DLG2: variants seen among roughly 807,000 people sequenced by gnomAD.
DLG2 encodes the protein disks large homolog 2.
A neutral mutation model predicts 132.5 loss-of-function variants in DLG2; 45 were observed. The ratio of observed to expected loss-of-function variants is 0.34; its 90% CI spans 0.27 to 0.44. The LOEUF (loss-of-function observed/expected upper bound fraction) is 0.44, where lower values mean the gene tolerates loss of function less well. DLG2 is among the 20% of genes least tolerant of loss of function. The pLI is 1.00. For missense variants in DLG2, 1,045 were observed against 1,196.9 expected (o/e 0.87, Z 1.87); for synonymous variants, 424 against 419.6 (o/e 1.01, Z -0.13).
intron 19 of DLG2, among the ~76,000 whole-genome samples, chr11:83,546,461 T>A (rs1465669): frequency 0.27 from 41,179 of 151,806 alleles, 6,197 homozygotes; most frequent in East Asian, 0.37. Flanking sequence ...GTAATGGCAC[T>A]AACGCAAAAG....
At chr11:83,711,589 C>T (rs1488186852) in intron 18 of DLG2, among the ~76,000 whole-genome samples, 1 of 152,096 alleles carries the variant, frequency 6.6e-6, no homozygotes, top group Non-Finnish European at 1.5e-5. Flanking sequence ...TATGTGTGAC[C>T]AAGGTAACTA....
At chr11:84,042,474 T>C (rs2096114936) in intron 11 of DLG2, among the ~76,000 whole-genome samples, 1 of 151,906 alleles carries the variant, frequency 6.6e-6, no homozygotes, top group South Asian at 2.1e-4. Flanking sequence ...TATTTAAAAT[T>C]TTTAGTATAA....
At chr11:84,530,727 T>A (rs890556418) in intron 7 of DLG2, among the ~76,000 whole-genome samples, 1 of 152,184 alleles carries the variant, frequency 6.6e-6, no homozygotes, top group Non-Finnish European at 1.5e-5. Context: ...ATTTCTCAAA[T>A]AACTTAAAAC....
intron 6 of DLG2, among the ~76,000 whole-genome samples, chr11:84,956,479 C>T (rs1366208369): frequency 6.6e-6 from 1 of 152,132 alleles, no homozygotes; most frequent in Admixed American, 6.6e-5. Flanking sequence ...CATATGAATA[C>T]CCATTATCAT....
intron 3 of DLG2, among the ~76,000 whole-genome samples, chr11:85,567,759 T>A (rs1031689605): frequency 1.2e-4 from 19 of 152,020 alleles, no homozygotes; most frequent in Non-Finnish European, 2.1e-4. Flanking sequence ...TAACTGTGGG[T>A]TTTTTGCAGA....
At chr11:85,038,387 T>A (rs982755775) in intron 6 of DLG2, among the ~76,000 whole-genome samples, 4 of 152,084 alleles carry the variant, frequency 2.6e-5, no homozygotes, top group African/African-American at 9.7e-5. Context: ...TGCTGACAAT[T>A]CATCTCTGAA....
chr11:84,938,422 A>G (rs900183851), intron 6 of DLG2, among the ~76,000 whole-genome samples: 17 of 152,220 alleles, frequency 1.1e-4, no homozygotes, highest in Non-Finnish European at 1.3e-4. Flanking sequence ...AATTTTAAAC[A>G]TAGCTTACTT....
chr11:83,806,991 G>C (rs1488045257), intron 17 of DLG2, among the ~76,000 whole-genome samples: 1 of 152,166 alleles, frequency 6.6e-6, no homozygotes, highest in Non-Finnish European at 1.5e-5. Context: ...GTGGACTTTT[G>C]TGGGAAGTAT....
In DLG2 at chr11:84,791,325, C is replaced by T. The variant is rs576791033; in HGVS notation, c.358-256594G>A. 5.3e-5 allele frequency among the ~76,000 whole-genome samples: 8 copies of T among 152,246 alleles called. No homozygotes were observed. The South Asian group carries it at 6.2e-4, about 12-fold the overall frequency. ...TATGCATCTGCTTTTATGGCAGTAC[C>T]GTGCTATTGTGGTTACTATAACTCT... is the stretch of plus-strand genomic sequence containing the variant. On this transcript the variant is annotated intron_variant, in intron 6 of 27. Coordinates refer to ENST00000376104, the MANE Select transcript of DLG2 (RefSeq NM_001142699.3).
At chr11:85,089,597 G>A (rs1366525144) in intron 6 of DLG2, among the ~76,000 whole-genome samples, 1 of 152,132 alleles carries the variant, frequency 6.6e-6, no homozygotes, top group Non-Finnish European at 1.5e-5. Flanking sequence ...ACATACAAAT[G>A]CATGTGTCTT....
intron 26 of DLG2, among the ~76,000 whole-genome samples, chr11:83,463,243 A>G (rs2090378551): frequency 6.8e-6 from 1 of 146,840 alleles, no homozygotes; most frequent in Non-Finnish European, 1.5e-5. Flanking sequence ...TATCTTTCAA[A>G]AGAGGCTATT....
chr11:84,080,370 A>G (rs918104755), intron 10 of DLG2, among the ~76,000 whole-genome samples: 1 of 152,160 alleles, frequency 6.6e-6, no homozygotes, highest in East Asian at 1.9e-4. Flanking sequence ...CCCACATACA[A>G]AACAGTGACA....
chr11:84,498,187 C>G (rs1370047082), intron 7 of DLG2, among the ~76,000 whole-genome samples: 1 of 152,160 alleles, frequency 6.6e-6, no homozygotes, highest in Non-Finnish European at 1.5e-5. Flanking sequence ...AGTATTTTGG[C>G]ATGATAGTCA....
chr11:84,406,620 A>G (rs991336799), intron 7 of DLG2, among the ~76,000 whole-genome samples: 1 of 152,198 alleles, frequency 6.6e-6, no homozygotes, highest in South Asian at 2.1e-4. Flanking sequence ...GATTACAGGC[A>G]TGAGCCACCA....
At chr11:85,270,047 G>T (rs768019715) in intron 4 of DLG2, among the ~76,000 whole-genome samples, 1 of 152,140 alleles carries the variant, frequency 6.6e-6, no homozygotes, top group Non-Finnish European at 1.5e-5. Context: ...ATTAGTCAGA[G>T]TTCTCCAGAG....
chr11:85,074,560 G>C (rs1220955894), intron 6 of DLG2, among the ~76,000 whole-genome samples: 2 of 151,794 alleles, frequency 1.3e-5, no homozygotes, highest in Non-Finnish European at 2.9e-5. Context: ...ACATTTATCT[G>C]TAAAAACTTG....
chr11:83,642,120 T>C (rs147486453), intron 18 of DLG2, among the ~76,000 whole-genome samples: 35 of 152,314 alleles, frequency 2.3e-4, no homozygotes, highest in African/African-American at 7.9e-4. Flanking sequence ...AACTCAGTTA[T>C]GGATACCATG....
intron 7 of DLG2, among the ~76,000 whole-genome samples, chr11:84,402,656 G>C (rs1373575708): frequency 1.3e-5 from 2 of 151,906 alleles, no homozygotes; most frequent in Non-Finnish European, 2.9e-5. Context: ...GCCGAGGCGG[G>C]CGGACCACGA....
At chr11:85,386,887 CTTTCTTTTTTT>C (rs1222479242) in intron 3 of DLG2, among the ~76,000 whole-genome samples, 1 of 149,944 alleles carries the variant, frequency 6.7e-6, no homozygotes, top group Non-Finnish European at 1.5e-5. Context: ...AAAGAATATC[CTTTCTTTTTTT>C]TTTCTTTTTT....
Sources: gnomAD v4.1 joint callset for allele counts (sites outside exome capture counted in the v4.1 genomes callset) on GRCh38, gnomAD v4.1.1 for gene constraint, MANE v1.5 for transcripts, NCBI Gene and HGNC (gene_info 2026-07-23, HGNC 2026-07-21) for gene names.